The following ECHDC1 variants were observed in gnomAD, a reference collection of about 807,000 sequenced individuals.
ECHDC1 encodes ethylmalonyl-CoA decarboxylase 1, also known as ethylmalonyl-CoA decarboxylase.
ECHDC1 carries 29 observed loss-of-function variants against 29.7 expected under a neutral mutation model. The observed-to-expected ratio is 0.98, with a 90% confidence interval of 0.73 to 1.33. The LOEUF (loss-of-function observed/expected upper bound fraction) is 1.33, where lower values mean the gene tolerates loss of function less well. ECHDC1 is among the 40% of genes most tolerant of loss of function. The probability of loss-of-function intolerance (pLI) is 0.00; values close to 1 mark genes in which losing one functional copy is unlikely to be tolerated. For synonymous variants in ECHDC1, 126 were observed against 123.1 expected (o/e 1.02, Z -0.15); for missense variants, 328 against 350.0 (o/e 0.94, Z 0.50).
chr6:127,296,670 A>T (rs865911279), intron 5 of ECHDC1, among the ~76,000 whole-genome samples: 22 of 152,142 alleles, frequency 1.4e-4, no homozygotes, highest in Admixed American at 3.9e-4. Context: ...CACCAAAAAA[A>T]ATTTTTTAAT....
intron 4 of ECHDC1, chr6:127,315,289 G>A: frequency 2.8e-6 from 1 of 357,396 alleles, no homozygotes; most frequent in Non-Finnish European, 5.4e-6. Flanking sequence ...CATTTTTGTT[G>A]GTATCAGGTT....
chr6:127,340,283 A>T (rs890373195), intron 1 of ECHDC1, among the ~76,000 whole-genome samples: 1 of 152,214 alleles, frequency 6.6e-6, no homozygotes, highest in Non-Finnish European at 1.5e-5. Flanking sequence ...GAGGCAATTT[A>T]CCCAGTAGGT....
At chr6:127,313,507 A>G in intron 5 of ECHDC1, 1 of 443,814 alleles carries the variant, frequency 2.3e-6, no homozygotes, top group Non-Finnish European at 4.5e-6. Flanking sequence ...CAGGCTTAAA[A>G]GTTTTTAAAT....
intron 2 of ECHDC1, chr6:127,329,870 A>G (rs1178615390): frequency 1.1e-5 from 5 of 455,260 alleles, no homozygotes; most frequent in Non-Finnish European, 2.2e-5. Flanking sequence ...GTATAGAGAA[A>G]TCTCTCTGAA....
At chr6:127,316,017 A>G (rs1164186856) in intron 4 of ECHDC1, 2 of 470,594 alleles carry the variant, frequency 4.2e-6, no homozygotes, top group Admixed American at 2.4e-5. Flanking sequence ...AGCTGTAAAA[A>G]CTTTCCAATC....
At position 127,290,290 on chromosome 6, in the gene ECHDC1, AAAG is replaced by A. The variant is rs548405597; in HGVS notation, c.498-16_498-14del. 1,073 of 1,602,142 alleles carry A rather than the reference AAAG, an allele frequency of 6.7e-4. 17 individuals carry two copies. The Admixed American group carries it at 0.015, about 23-fold the overall frequency. ...TGGAGTCATTAACCTGTAAAAGAAA[AAAG>A]AAAAGCTTAATTGTAACTCTCTCTG... On this transcript the variant is annotated splice_polypyrimidine_tract_variant and intron_variant, in intron 5 of 5. Transcript: ENST00000454859.
rs11968639 is a variant in ECHDC1 at position 127,342,778 on chromosome 6, C to T, written c.-3+558G>A. On this transcript the variant is annotated intron_variant, in intron 1 of 5. Transcript: ENST00000454859. The stretch of plus-strand genomic sequence containing the variant: ...TTTTTAATCCCCTACACGTGTAATC[C>T]CTGTATGTGTGCGCAGCGTTAAAAG... 56 of 172,152 alleles carry T rather than the reference C, an allele frequency of 3.3e-4. 1 individual carries two copies. The highest frequency in any genetic ancestry group is 9.8e-5 in the Non-Finnish European group (8 of 81,916). The allele number at this position is 172,152 out of a possible 1,614,324, so 10.7% of individuals were successfully genotyped here.
chr6:127,337,345 T>C (rs1448666118), intron 1 of ECHDC1, among the ~76,000 whole-genome samples: 2 of 152,188 alleles, frequency 1.3e-5, no homozygotes, highest in African/African-American at 4.8e-5. Flanking sequence ...TGAAGTCTGC[T>C]GAGAGATTCC....
At chr6:127,328,887 C>T (rs772945032) in intron 2 of ECHDC1, among the ~76,000 whole-genome samples, 8 of 151,894 alleles carry the variant, frequency 5.3e-5, no homozygotes, top group South Asian at 2.1e-4. Flanking sequence ...ACTAGCCGGG[C>T]GTGGTGGCAG....
rs1783415450 is a variant in ECHDC1 at position 127,327,091 on chromosome 6, C to G, written c.274G>C (p.Glu92Gln). The part of the protein sequence containing the change: ...EKVIELENWT[E>Q]GKGLIVRGAK... Reference sequence around the variant, plus strand: ...CCACGGACAATGAGGCCTTTCCCCTCTGTCCAATTTTCCAATTCAATTACT... The same window carrying G: ...CCACGGACAATGAGGCCTTTCCCCTGTGTCCAATTTTCCAATTCAATTACT... The change falls in exon 3 of 6, where the codon GAG becomes CAG. Residue 92 changes from glutamate (E) to glutamine (Q), a missense_variant. By Grantham distance (29) the Glu-to-Gln change is conservative (BLOSUM62 2). Coordinates refer to ENST00000454859, the MANE Select transcript of ECHDC1 (RefSeq NM_001002030.2). 4.3e-6 allele frequency: 7 copies of G among 1,614,040 alleles called. No individual in the cohort carries two copies. In the East Asian group the frequency reaches 1.6e-4, roughly 36 times the overall value.
At chr6:127,336,919 T>C (rs910991593) in intron 1 of ECHDC1, among the ~76,000 whole-genome samples, 3 of 152,140 alleles carry the variant, frequency 2.0e-5, no homozygotes, top group Admixed American at 6.6e-5. Flanking sequence ...TCAGACTTTA[T>C]TGAGAAATGC....
chr6:127,312,223 CT>C (rs1392981852), intron 5 of ECHDC1, among the ~76,000 whole-genome samples: 7 of 152,068 alleles, frequency 4.6e-5, no homozygotes, highest in Non-Finnish European at 8.8e-5. Context: ...ATATAAAAAA[CT>C]CCTACAGTTT....
chr6:127,329,577 G>C (rs1010036108), intron 2 of ECHDC1, among the ~76,000 whole-genome samples: 15 of 152,058 alleles, frequency 9.9e-5, no homozygotes, highest in Admixed American at 2.6e-4. Flanking sequence ...TGTGTGTACT[G>C]AGCACTTGAT....
intron 5 of ECHDC1, among the ~76,000 whole-genome samples, chr6:127,290,634 C>G (rs976170568): frequency 6.6e-6 from 1 of 151,822 alleles, no homozygotes; most frequent in Admixed American, 6.6e-5. Context: ...AAAAACAAAC[C>G]GAAAAGCATA....
At chr6:127,342,492 A>C in intron 1 of ECHDC1, 1 of 967,018 alleles carries the variant, frequency 1.0e-6, no homozygotes, top group South Asian at 1.9e-5. Context: ...CGCCCGTTCT[A>C]TTACTGCGCT....
At chr6:127,337,077 G>T (rs7750762) in intron 1 of ECHDC1, among the ~76,000 whole-genome samples, 8,415 of 152,112 alleles carry the variant, frequency 0.055, 282 homozygotes, top group South Asian at 0.098. Flanking sequence ...ATTTAACCCT[G>T]TATATTGTGA....
intron 4 of ECHDC1, chr6:127,315,573 C>T: frequency 4.5e-6 from 1 of 221,446 alleles, no homozygotes. Context: ...ACCTACAATG[C>T]AAAGGTGCAG....
chr6:127,304,296 T>C (rs1240180978), intron 5 of ECHDC1, among the ~76,000 whole-genome samples: 2 of 152,158 alleles, frequency 1.3e-5, no homozygotes, highest in Non-Finnish European at 2.9e-5. Flanking sequence ...TCCAAGACCA[T>C]CAAGGCAGTA....
chr6:127,328,580 T>C (rs903441372), intron 2 of ECHDC1, among the ~76,000 whole-genome samples: 1 of 152,224 alleles, frequency 6.6e-6, no homozygotes, highest in African/African-American at 2.4e-5. Flanking sequence ...ACTGTAACCC[T>C]TTCCAAGGAT....
Sources: gnomAD v4.1 joint callset for allele counts (sites outside exome capture counted in the v4.1 genomes callset) on GRCh38, gnomAD v4.1.1 for gene constraint, MANE v1.5 for transcripts, NCBI Gene and HGNC (gene_info 2026-07-23, HGNC 2026-07-21) for gene names.